Variants in AGBL1 observed in about 807,000 individuals in gnomAD.
The protein encoded by AGBL1 is AGBL carboxypeptidase 1.
AGBL1 carries 130 observed loss-of-function variants against 118.9 expected under a neutral mutation model. That is an observed-to-expected ratio of 1.09 (90% confidence interval 0.95 to 1.26). AGBL1 has a LOEUF of 1.26. Ranked by LOEUF, AGBL1 falls within the 50% of genes most tolerant of loss-of-function variation. The pLI is 0.00. For synonymous variants in AGBL1, 555 were observed against 478.9 expected, an observed-to-expected ratio of 1.16 and a Z score of -2.08; for missense variants, 1,584 against 1,298.1, an observed-to-expected ratio of 1.22 and a Z score of -3.38.
At chr15:86,682,431 T>C (rs2085977632) in intron 22 of AGBL1, among the ~76,000 whole-genome samples, 1 of 152,190 alleles carries the variant, frequency 6.6e-6, no homozygotes, top group Admixed American at 6.6e-5. Flanking sequence ...TAAATTAAAA[T>C]AGTGAAAACC....
intron 22 of AGBL1, among the ~76,000 whole-genome samples, chr15:86,730,816 T>C (rs1222439115): frequency 6.6e-6 from 1 of 151,842 alleles, no homozygotes; most frequent in Non-Finnish European, 1.5e-5. Context: ...TTGTACCTAT[T>C]TTATTTTATT....
chr15:86,973,700 A>G (rs1034232959), intron 23 of AGBL1, among the ~76,000 whole-genome samples: 1 of 151,768 alleles, frequency 6.6e-6, no homozygotes, highest in Non-Finnish European at 1.5e-5. Flanking sequence ...TGTGCTTAAT[A>G]AAAAGTGGTA....
chr15:86,153,249 T>A (rs1264491817), intron 3 of AGBL1, among the ~76,000 whole-genome samples: 1 of 152,150 alleles, frequency 6.6e-6, no homozygotes, highest in Non-Finnish European at 1.5e-5. Flanking sequence ...AAGCAAAGAC[T>A]TGGAACCAAC....
intron 17 of AGBL1, among the ~76,000 whole-genome samples, chr15:86,324,210 C>A (rs2080148438): frequency 6.6e-6 from 1 of 152,078 alleles, no homozygotes; most frequent in African/African-American, 2.4e-5. Flanking sequence ...AGGAAATATA[C>A]AAACAAATAG....
intron 18 of AGBL1, among the ~76,000 whole-genome samples, chr15:86,442,863 C>G (rs1429648831): frequency 6.6e-6 from 1 of 152,194 alleles, no homozygotes; most frequent in Non-Finnish European, 1.5e-5. Flanking sequence ...ATGTGACTGT[C>G]TCTAGAACTC....
chr15:86,798,150 A>G (rs2141343699), intron 22 of AGBL1, among the ~76,000 whole-genome samples: 1 of 152,304 alleles, frequency 6.6e-6, no homozygotes, highest in East Asian at 1.9e-4. Context: ...ATTCAGTTTC[A>G]ATATCTACAG....
At chr15:86,752,205 C>G (rs2077864997) in intron 22 of AGBL1, among the ~76,000 whole-genome samples, 1 of 152,040 alleles carries the variant, frequency 6.6e-6, no homozygotes, top group Non-Finnish European at 1.5e-5. Flanking sequence ...AAATGAAGCC[C>G]TCACACTGTG....
At chr15:86,180,039 A>G (rs1439120089) in intron 5 of AGBL1, among the ~76,000 whole-genome samples, 1 of 141,576 alleles carries the variant, frequency 7.1e-6, no homozygotes, top group Non-Finnish European at 1.6e-5. Flanking sequence ...ATGTTGAAAC[A>G]AATGAAAGAA....
At position 86,681,218 on chromosome 15, in the gene AGBL1, C is replaced by G. The variant is rs1421899872; in HGVS notation, c.3158+6782C>G. 2.0e-5 allele frequency among the ~76,000 whole-genome samples: 3 copies of G among 152,250 alleles called. No homozygotes were observed. The East Asian group carries it at 5.8e-4, about 29-fold the overall frequency. On this transcript the variant is annotated intron_variant, in intron 22 of 22. Transcript: ENST00000614907. Reference sequence around the variant, plus strand: ...TGGAAGTATGTCTCAAGTTTGCCCTCACACATTCAATTTTCTGCAGCATGG... The same window carrying G: ...TGGAAGTATGTCTCAAGTTTGCCCTGACACATTCAATTTTCTGCAGCATGG...
intron 18 of AGBL1, among the ~76,000 whole-genome samples, chr15:86,462,680 C>A (rs1001819438): frequency 5.3e-5 from 8 of 151,996 alleles, no homozygotes; most frequent in African/African-American, 1.4e-4. Flanking sequence ...TGAGAACATG[C>A]GGTGTTTGGT....
downstream of AGBL1, among the ~76,000 whole-genome samples, chr15:86,920,399 G>A (rs1168607767): frequency 6.6e-6 from 1 of 152,114 alleles, no homozygotes; most frequent in African/African-American, 2.4e-5. Flanking sequence ...TCTTTTAATA[G>A]GCTAGTGTGA....
chr15:86,650,110 G>C (rs981608654), intron 21 of AGBL1, among the ~76,000 whole-genome samples: 15 of 152,064 alleles, frequency 9.9e-5, no homozygotes, highest in African/African-American at 3.6e-4. Flanking sequence ...TTCTTTTTGT[G>C]GCACAGGGGG....
intron 18 of AGBL1, among the ~76,000 whole-genome samples, chr15:86,430,828 T>G (rs1192782140): frequency 6.6e-6 from 1 of 152,252 alleles, no homozygotes; most frequent in Non-Finnish European, 1.5e-5. Context: ...AACTTTGTGA[T>G]ACATATACAT....
At chr15:86,654,344 T>G (rs982932927) in intron 21 of AGBL1, among the ~76,000 whole-genome samples, 1 of 152,150 alleles carries the variant, frequency 6.6e-6, no homozygotes, top group Non-Finnish European at 1.5e-5. Context: ...TTATTTTGAG[T>G]GTAGAAGCTT....
chr15:86,641,561 A>T (rs1864315731), intron 21 of AGBL1, among the ~76,000 whole-genome samples: 1 of 152,092 alleles, frequency 6.6e-6, no homozygotes, highest in South Asian at 2.1e-4. Context: ...TATATATTTA[A>T]TATTTAATCA....
chr15:86,365,027 A>G (rs1408701063), intron 17 of AGBL1, among the ~76,000 whole-genome samples: 2 of 135,958 alleles, frequency 1.5e-5, no homozygotes, highest in African/African-American at 6.0e-5. Context: ...ATATATATAT[A>G]CACACACATA....
chr15:86,892,960 C>T (rs568780837), intron 22 of AGBL1, among the ~76,000 whole-genome samples: 1 of 152,108 alleles, frequency 6.6e-6, no homozygotes, highest in Non-Finnish European at 1.5e-5. Context: ...CTGCTCGTGC[C>T]TCTTAGATGG....
chr15:86,918,927 G>A (rs2080456998), downstream of AGBL1, among the ~76,000 whole-genome samples: 1 of 152,190 alleles, frequency 6.6e-6, no homozygotes, highest in Non-Finnish European at 1.5e-5. Flanking sequence ...TTCAGGAAAT[G>A]ATTCTTCTGG....
chr15:86,554,408 C>T lies in AGBL1; in HGVS notation c.2865C>T (p.Ser955=), dbSNP rs1317441591. The change falls in exon 21 of 23, where the codon AGC becomes AGT. Residue 955 remains serine, a synonymous_variant. Coordinates refer to ENST00000614907, the MANE Select transcript of AGBL1 (RefSeq NM_001386094.1). ...AGCTAGCACCAGCATTCACAATGAG[C>T]AGCTGCAGCTTTCTCGTGGAGAAAT... The part of the protein sequence containing the change: ...LDKLAPAFTM[S]SCSFLVEKSR... 3.8e-6 allele frequency: 6 copies of T among 1,587,408 alleles called. No individual in the cohort carries two copies. In the African/African-American group the frequency reaches 5.4e-5, roughly 14 times the overall value.
Sources: gnomAD v4.1 joint callset for allele counts (sites outside exome capture counted in the v4.1 genomes callset) on GRCh38, gnomAD v4.1.1 for gene constraint, MANE v1.5 for transcripts, NCBI Gene and HGNC (gene_info 2026-07-23, HGNC 2026-07-21) for gene names.